Variants in SHISA6 observed in about 807,000 individuals in gnomAD.
SHISA6 encodes the protein shisa family member 6, also known as protein shisa-6.
SHISA6 carries 22 observed loss-of-function variants against 47.9 expected under a neutral mutation model. The ratio of observed to expected loss-of-function variants is 0.46; its 90% confidence interval spans 0.33 to 0.66. The LOEUF is 0.66. Among genes scored for constraint, SHISA6 ranks in the 30% least tolerant of loss-of-function variants. SHISA6 has a pLI of 0.02. For synonymous variants in SHISA6, 388 were observed against 337.8 expected (o/e 1.15, Z -1.63); for missense variants, 680 against 764.6 (o/e 0.89, Z 1.30).
rs111324185 is a variant in SHISA6 at position 11,320,669 on chromosome 17, A to G, written c.799+57143A>G. On this transcript the variant is annotated intron_variant, in intron 2 of 5. Coordinates refer to ENST00000441885, the MANE Select transcript of SHISA6 (RefSeq NM_207386.4). ...GCGAAACTCCATCACCAAAAAAAAAAAGAGAGAGAGAGAGAGAGAGAAGAA... is the reference window on the plus strand; with the variant it reads ...GCGAAACTCCATCACCAAAAAAAAAGAGAGAGAGAGAGAGAGAGAGAAGAA... Among the ~76,000 whole-genome samples the G allele has an allele frequency of 6.9e-3, 339 of 49,008 alleles. 16 individuals are homozygous for G. In the South Asian group the frequency reaches 0.14, roughly 21 times the overall value. The allele number at this position is 49,008 out of a possible 152,430, so 32.2% of individuals were successfully genotyped here.
At chr17:11,334,637 C>CG (rs1179091913) in intron 2 of SHISA6, among the ~76,000 whole-genome samples, 2 of 152,146 alleles carry the variant, frequency 1.3e-5, no homozygotes, top group African/African-American at 2.4e-5. Context: ...GGATGCCTAT[C>CG]GGGGGGAGGG....
chr17:11,539,100 C>T (rs1474134228), intron 3 of SHISA6, among the ~76,000 whole-genome samples: 2 of 152,110 alleles, frequency 1.3e-5, no homozygotes, highest in Non-Finnish European at 1.5e-5. Context: ...TGCCACCATG[C>T]CCGGCTAATT....
At chr17:11,503,700 G>A (rs750150100) in intron 3 of SHISA6, among the ~76,000 whole-genome samples, 35 of 152,142 alleles carry the variant, frequency 2.3e-4, no homozygotes, top group Non-Finnish European at 3.5e-4. Flanking sequence ...TATTGTTGTC[G>A]TCAAATGTAA....
intron 3 of SHISA6, among the ~76,000 whole-genome samples, chr17:11,404,456 C>G (rs1258043524): frequency 1.3e-5 from 2 of 152,138 alleles, no homozygotes; most frequent in Non-Finnish European, 2.9e-5. Flanking sequence ...TTAATGGAGA[C>G]AGAGGAAAGA....
At chr17:11,372,620 C>T (rs374881201) in intron 2 of SHISA6, among the ~76,000 whole-genome samples, 5 of 149,254 alleles carry the variant, frequency 3.3e-5, no homozygotes, top group East Asian at 2.0e-4. Context: ...ATTATTTGTT[C>T]GTTTGTTTGT....
At chr17:11,426,220 C>G (rs1007817539) in intron 3 of SHISA6, among the ~76,000 whole-genome samples, 1 of 152,114 alleles carries the variant, frequency 6.6e-6, no homozygotes, top group African/African-American at 2.4e-5. Flanking sequence ...AAAGGGAAAT[C>G]CTAAAAGTGC....
intron 3 of SHISA6, among the ~76,000 whole-genome samples, chr17:11,492,632 A>T (rs1324103149): frequency 6.6e-6 from 1 of 152,080 alleles, no homozygotes. Context: ...GTGAACACTT[A>T]TGTCTCCTCT....
At chr17:11,418,254 A>G (rs920699118) in intron 3 of SHISA6, among the ~76,000 whole-genome samples, 5 of 152,120 alleles carry the variant, frequency 3.3e-5, no homozygotes, top group Admixed American at 1.3e-4. Flanking sequence ...CATTTGTCCC[A>G]TCTCTACTTG....
chr17:11,518,557 G>T (rs539213435), intron 3 of SHISA6, among the ~76,000 whole-genome samples: 4 of 152,252 alleles, frequency 2.6e-5, no homozygotes, highest in Non-Finnish European at 5.9e-5. Flanking sequence ...CCAAATCTCA[G>T]ATTGGGGTTT....
chr17:11,533,470 G>T (rs2071755028), intron 3 of SHISA6, among the ~76,000 whole-genome samples: 1 of 151,642 alleles, frequency 6.6e-6, no homozygotes, highest in Admixed American at 6.6e-5. Flanking sequence ...TTTATTCTTG[G>T]CCTTTCTTTC....
chr17:11,409,641 T>G (rs959290997), intron 3 of SHISA6, among the ~76,000 whole-genome samples: 1 of 148,818 alleles, frequency 6.7e-6, no homozygotes, highest in African/African-American at 2.5e-5. Flanking sequence ...GAGATGGAGG[T>G]TGCAGTGAGC....
At chr17:11,277,278 TCTCACACACACACA>T (rs1360885951) in intron 2 of SHISA6, among the ~76,000 whole-genome samples, 3 of 52,620 alleles carry the variant, frequency 5.7e-5, no homozygotes, top group African/African-American at 1.7e-4. Context: ...TCTCTCTCTC[TCTCACACACACACA>T]CACACACACA....
chr17:11,534,661 G>T (rs534981063), intron 3 of SHISA6, among the ~76,000 whole-genome samples: 1 of 152,264 alleles, frequency 6.6e-6, no homozygotes, highest in Non-Finnish European at 1.5e-5. Flanking sequence ...GGAGAAAGCT[G>T]CCATGGATAA....
At chr17:11,345,036 A>G (rs191094546) in intron 2 of SHISA6, among the ~76,000 whole-genome samples, 1 of 152,272 alleles carries the variant, frequency 6.6e-6, no homozygotes, top group East Asian at 1.9e-4. Flanking sequence ...TGCAGTATTT[A>G]GTTTTCTGAC....
intron 2 of SHISA6, among the ~76,000 whole-genome samples, chr17:11,334,827 G>A (rs1394676815): frequency 6.6e-6 from 1 of 152,196 alleles, no homozygotes; most frequent in Non-Finnish European, 1.5e-5. Context: ...CTGGAATTCA[G>A]CCCCACGGAA....
At chr17:11,449,919 C>G (rs1915338555) in intron 3 of SHISA6, among the ~76,000 whole-genome samples, 2 of 152,244 alleles carry the variant, frequency 1.3e-5, no homozygotes, top group Non-Finnish European at 2.9e-5. Context: ...GAGTCTCGCT[C>G]TGTCGCCCAG....
intron 1 of SHISA6, among the ~76,000 whole-genome samples, chr17:11,251,464 A>G (rs1317617524): frequency 1.3e-5 from 2 of 152,052 alleles, no homozygotes; most frequent in Non-Finnish European, 1.5e-5. Flanking sequence ...ACCCCTGGGC[A>G]ATTCTGCATG....
chr17:11,529,963 A>G (rs2142370281), intron 3 of SHISA6, among the ~76,000 whole-genome samples: 1 of 152,336 alleles, frequency 6.6e-6, no homozygotes, highest in Non-Finnish European at 1.5e-5. Flanking sequence ...GATGAAACAC[A>G]AAGTATACTT....
intron 3 of SHISA6, among the ~76,000 whole-genome samples, chr17:11,400,957 C>T (rs1913751129): frequency 1.3e-5 from 2 of 152,218 alleles, no homozygotes; most frequent in Admixed American, 1.3e-4. Context: ...AATCCTGGAA[C>T]AGTTCTTGTC....
Sources: gnomAD v4.1 joint callset for allele counts (sites outside exome capture counted in the v4.1 genomes callset) on GRCh38, gnomAD v4.1.1 for gene constraint, MANE v1.5 for transcripts, NCBI Gene and HGNC (gene_info 2026-07-23, HGNC 2026-07-21) for gene names.